OR9Q1: variants seen among roughly 807,000 people sequenced by gnomAD.
OR9Q1 encodes olfactory receptor 9Q1.
For missense variants in OR9Q1, 374 were observed against 378.8 expected (o/e 0.99, Z 0.11); for synonymous variants, 153 against 148.6 (o/e 1.03, Z -0.22).
In OR9Q1 at chr11:58,181,058, A is replaced by G. The variant is rs977818731; in HGVS notation, c.*681A>G. ...CTTAATATTCTGGTAGTAGTTCTCAAGAAGGCCTCACACAAACTTTTAACA... is the reference window on the plus strand; with the variant it reads ...CTTAATATTCTGGTAGTAGTTCTCAGGAAGGCCTCACACAAACTTTTAACA... On this transcript the variant is annotated 3_prime_UTR_variant, in exon 3 of 3. Transcript: ENST00000335397. 3 of 167,072 alleles carry G rather than the reference A, an allele frequency of 1.8e-5. No homozygotes were observed. The highest frequency in any genetic ancestry group is 4.4e-5 in the Non-Finnish European group (3 of 68,114). 10.3% of individuals were successfully genotyped at this position (167,072 alleles called of 1,614,324 possible).
In OR9Q1 at chr11:58,061,979, C is replaced by A. The variant is rs1590565304; in HGVS notation, c.-15+6032C>A. ...CTCAAAGATCTCCTGGTGAGTGGTA[C>A]GTGAGCAACAAGATGATGTCATAGT... is the stretch of plus-strand genomic sequence containing the variant. On this transcript the variant is annotated intron_variant, in intron 2 of 2. Transcript: ENST00000335397. Among the ~76,000 whole-genome samples the A allele has an allele frequency of 2.6e-5, 4 of 152,230 alleles. No homozygotes were observed. In the South Asian group the frequency reaches 8.3e-4, roughly 32 times the overall value.
At position 58,166,223 on chromosome 11, in the gene OR9Q1, G is replaced by T. The variant is rs530877410; in HGVS notation, c.-14-13208G>T. Among the ~76,000 whole-genome samples the T allele has an allele frequency of 9.1e-4, 139 of 152,178 alleles. 1 individual carries two copies. The highest frequency in any genetic ancestry group is 1.3e-3 in the Non-Finnish European group (85 of 67,998). On this transcript the variant is annotated intron_variant, in intron 2 of 2. Transcript: ENST00000335397. ...TCTTTCTTTTAAAGACTTAATTGGG[G>T]TTATTACAAAAATAACACATTTTTG...
chr11:58,103,490 T>C (rs886255143), intron 2 of OR9Q1, among the ~76,000 whole-genome samples: 16 of 152,202 alleles, frequency 1.1e-4, no homozygotes, highest in Non-Finnish European at 1.8e-4. Context: ...AGATCATGAA[T>C]TATTTTCCTG....
intron 2 of OR9Q1, among the ~76,000 whole-genome samples, chr11:58,103,052 C>G (rs1350118794): frequency 6.6e-6 from 1 of 151,934 alleles, no homozygotes; most frequent in Non-Finnish European, 1.5e-5. Context: ...TATATTAGTC[C>G]ATTCTCACGT....
At chr11:58,171,601 G>C (rs576540107) in intron 2 of OR9Q1, 1 of 152,380 alleles carries the variant, frequency 6.6e-6, no homozygotes, top group South Asian at 2.1e-4. Context: ...TTACAGGGGA[G>C]AGGGCCGTGA....
At chr11:58,140,116 C>T (rs192856621) in intron 2 of OR9Q1, among the ~76,000 whole-genome samples, 3,960 of 152,160 alleles carry the variant, frequency 0.026, 68 homozygotes, top group East Asian at 0.054. Context: ...ATCCTTCACC[C>T]GCTTTTTGAT....
chr11:58,118,679 T>C, intron 2 of OR9Q1: 1 of 1,613,980 alleles, frequency 6.2e-7, no homozygotes, highest in Non-Finnish European at 8.5e-7. Context: ...TACATGAAGA[T>C]AAGGGCTCCA....
intron 2 of OR9Q1, among the ~76,000 whole-genome samples, chr11:58,120,658 G>T (rs909818906): frequency 2.0e-5 from 3 of 151,304 alleles, no homozygotes; most frequent in African/African-American, 7.3e-5. Flanking sequence ...GCTAAATAAT[G>T]TTGGCTACTT....
chr11:58,062,366 G>A (rs187848371), intron 2 of OR9Q1, among the ~76,000 whole-genome samples: 1 of 152,078 alleles, frequency 6.6e-6, no homozygotes, highest in African/African-American at 2.4e-5. Flanking sequence ...TAGTTGATTG[G>A]GTTATCATCT....
intron 2 of OR9Q1, among the ~76,000 whole-genome samples, chr11:58,139,370 T>C (rs1401439482): frequency 6.6e-6 from 1 of 151,988 alleles, no homozygotes; most frequent in East Asian, 1.9e-4. Flanking sequence ...GCCATGTTGG[T>C]GTGCTGCACC....
chr11:58,129,236 C>CGTGTGT (rs59902083), intron 2 of OR9Q1, among the ~76,000 whole-genome samples: 2,072 of 144,824 alleles, frequency 0.014, 52 homozygotes, highest in African/African-American at 0.048. Context: ...CAGAGCAATT[C>CGTGTGT]GTGTGTGTGT....
intron 2 of OR9Q1, among the ~76,000 whole-genome samples, chr11:58,155,511 A>C (rs936992897): frequency 6.6e-6 from 1 of 152,154 alleles, no homozygotes; most frequent in African/African-American, 2.4e-5. Context: ...TGAGAGTGAG[A>C]ATCTCCTTAA....
chr11:58,089,433 G>T (rs1853663646), intron 2 of OR9Q1, among the ~76,000 whole-genome samples: 1 of 151,778 alleles, frequency 6.6e-6, no homozygotes, highest in African/African-American at 2.4e-5. Context: ...TTTTTGTCGG[G>T]TTTGTCGAAG....
At chr11:58,175,366 C>G (rs929633115) in intron 2 of OR9Q1, among the ~76,000 whole-genome samples, 5 of 151,966 alleles carry the variant, frequency 3.3e-5, no homozygotes, top group Admixed American at 6.6e-5. Context: ...GTGCTGACCC[C>G]CTTTCCTAAA....
intron 1 of OR9Q1, among the ~76,000 whole-genome samples, chr11:58,040,305 C>T (rs1281288992): frequency 8.8e-6 from 1 of 113,324 alleles, no homozygotes; most frequent in Non-Finnish European, 2.2e-5. Context: ...TCACAACAAC[C>T]CGAAGATGAA....
In OR9Q1 at chr11:58,166,183, T is replaced by C. The variant is rs1428038919; in HGVS notation, c.-14-13248T>C. On this transcript the variant is annotated intron_variant, in intron 2 of 2. Transcript: ENST00000335397. ...GCATTTTATCAATTCCCATGATTTA[T>C]ATTTTTAGGTAGTCTCTTTCTTTTA... 2.6e-5 allele frequency among the ~76,000 whole-genome samples: 4 copies of C among 152,350 alleles called. No homozygotes were observed. The East Asian group carries it at 7.7e-4, about 29-fold the overall frequency.
At chr11:58,152,726 A>AT (rs1034483596) in intron 2 of OR9Q1, among the ~76,000 whole-genome samples, 1 of 152,058 alleles carries the variant, frequency 6.6e-6, no homozygotes, top group Non-Finnish European at 1.5e-5. Context: ...AGATTTATTC[A>AT]TTTTTTTCTT....
intron 2 of OR9Q1, among the ~76,000 whole-genome samples, chr11:58,060,351 G>A (rs550551775): frequency 3.3e-5 from 5 of 152,058 alleles, no homozygotes; most frequent in Non-Finnish European, 5.9e-5. Flanking sequence ...AAATCAAGCC[G>A]GTTATTTGCT....
At chr11:58,109,949 C>T (rs1031782968) in intron 2 of OR9Q1, among the ~76,000 whole-genome samples, 6 of 152,160 alleles carry the variant, frequency 3.9e-5, no homozygotes, top group Non-Finnish European at 7.3e-5. Context: ...ACCATCAAGA[C>T]TGGAAGGGAC....
Sources: gnomAD v4.1 joint callset for allele counts (sites outside exome capture counted in the v4.1 genomes callset) on GRCh38, gnomAD v4.1.1 for gene constraint, MANE v1.5 for transcripts, NCBI Gene and HGNC (gene_info 2026-07-23, HGNC 2026-07-21) for gene names.